Variants in C3orf33 observed in about 807,000 individuals in gnomAD.
C3orf33 encodes the protein AP-1 activity suppressor.
C3orf33 carries 23 observed loss-of-function variants against 28.7 expected under a neutral mutation model. That is an observed-to-expected ratio of 0.80 (90% CI 0.58 to 1.13). C3orf33 has a LOEUF of 1.13. Among genes scored for constraint, C3orf33 ranks in the 50% most tolerant of loss-of-function variants. C3orf33 has a pLI of 0.00. For synonymous variants in C3orf33, 119 were observed against 120.5 expected, an observed-to-expected ratio of 0.99 and a Z score of 0.08; for missense variants, 327 against 353.4, an observed-to-expected ratio of 0.93 and a Z score of 0.60.
At chr3:155,792,028 G>T (rs537274332) in intron 2 of C3orf33, among the ~76,000 whole-genome samples, 2 of 152,148 alleles carry the variant, frequency 1.3e-5, no homozygotes, top group East Asian at 1.9e-4. Context: ...TGGGAGAGAC[G>T]CAGTGCTGTG....
chr3:155,772,772 CTG>C (rs60966459), intron 3 of C3orf33, among the ~76,000 whole-genome samples: 4,613 of 142,102 alleles, frequency 0.032, 167 homozygotes, highest in African/African-American at 0.091. Flanking sequence ...TTTTTAGGCT[CTG>C]TGTGTGTGTG....
At chr3:155,804,619 G>A (rs1751760115) in intron 1 of C3orf33, among the ~76,000 whole-genome samples, 1 of 152,136 alleles carries the variant, frequency 6.6e-6, no homozygotes, top group African/African-American at 2.4e-5. Flanking sequence ...TAGAACACCT[G>A]GCTGTCTTGA....
At chr3:155,788,223 A>G (rs1402471364) in intron 2 of C3orf33, among the ~76,000 whole-genome samples, 1 of 151,232 alleles carries the variant, frequency 6.6e-6, no homozygotes, top group Non-Finnish European at 1.5e-5. Context: ...AAATAAAAAG[A>G]TCAACCAGTA....
chr3:155,770,780 C>A (rs1244245696), intron 3 of C3orf33, among the ~76,000 whole-genome samples: 10 of 152,144 alleles, frequency 6.6e-5, no homozygotes, highest in African/African-American at 2.4e-4. Flanking sequence ...CCTGCCTCAG[C>A]CTCCTGAGTA....
At chr3:155,780,797 A>G (rs1750895547) in intron 2 of C3orf33, among the ~76,000 whole-genome samples, 2 of 152,176 alleles carry the variant, frequency 1.3e-5, no homozygotes, top group Non-Finnish European at 2.9e-5. Flanking sequence ...GCTTCTGGGA[A>G]AAACGCTTTC....
chr3:155,798,173 A>C (rs1014063418), intron 2 of C3orf33, among the ~76,000 whole-genome samples: 1 of 152,192 alleles, frequency 6.6e-6, no homozygotes, highest in Non-Finnish European at 1.5e-5. Context: ...TGGAAGAATC[A>C]ATATTGTTAA....
At chr3:155,805,718 G>A (rs746934760) in intron 1 of C3orf33, 2 of 448,046 alleles carry the variant, frequency 4.5e-6, no homozygotes, top group Admixed American at 4.8e-5. Context: ...GAGGAATACC[G>A]TGTCCCTAAA....
At position 155,775,696 on chromosome 3, in the gene C3orf33, C is replaced by T. The variant is rs1456965513; in HGVS notation, c.322+5G>A. 3 of 1,510,762 alleles carry T rather than the reference C, an allele frequency of 2.0e-6. No individual in the cohort carries two copies. Among genetic ancestry groups the T allele is most frequent in the East Asian group, 2.3e-5 (1 of 43,240 alleles). 93.6% of individuals were successfully genotyped at this position (1,510,762 alleles called of 1,614,324 possible). A position where few individuals can be genotyped will look rare whatever the true frequency, so the allele number is the denominator to read the frequency against. On this transcript the variant is annotated splice_donor_5th_base_variant and intron_variant, in intron 3 of 4. Transcript: ENST00000340171. ...TTAGTTTCATTAATCTTGTACCTTACTTACTTCTCAATGAAGCTATAATAG... is the reference window on the plus strand; with the variant it reads ...TTAGTTTCATTAATCTTGTACCTTATTTACTTCTCAATGAAGCTATAATAG...
At chr3:155,788,791 C>G (rs549643265) in intron 2 of C3orf33, among the ~76,000 whole-genome samples, 1 of 152,128 alleles carries the variant, frequency 6.6e-6, no homozygotes, top group Admixed American at 6.6e-5. Context: ...CTCTCACCAC[C>G]TCTATTCAAC....
chr3:155,773,210 G>C (rs980670665), intron 3 of C3orf33, among the ~76,000 whole-genome samples: 3 of 152,180 alleles, frequency 2.0e-5, no homozygotes, highest in African/African-American at 4.8e-5. Context: ...CATTCAAAAT[G>C]GTGTTTGGTT....
chr3:155,780,547 G>T (rs1287743135), intron 2 of C3orf33, among the ~76,000 whole-genome samples: 2 of 152,158 alleles, frequency 1.3e-5, no homozygotes, highest in African/African-American at 4.8e-5. Context: ...TATAAAATTT[G>T]CAATTATCAA....
At chr3:155,804,286 T>G in intron 1 of C3orf33, 3 of 317,714 alleles carry the variant, frequency 9.4e-6, no homozygotes, top group Non-Finnish European at 1.8e-5. Context: ...TTACACAACT[T>G]CCTCCCATAA....
At chr3:155,768,548 T>A (rs1334529353) in intron 3 of C3orf33, among the ~76,000 whole-genome samples, 1 of 152,184 alleles carries the variant, frequency 6.6e-6, no homozygotes, top group Admixed American at 6.5e-5. Context: ...AACAAGATTT[T>A]ACTTTAGATA....
At chr3:155,801,832 C>A (rs1331500845) in intron 2 of C3orf33, among the ~76,000 whole-genome samples, 1 of 152,174 alleles carries the variant, frequency 6.6e-6, no homozygotes, top group African/African-American at 2.4e-5. Context: ...CTCACTGCAA[C>A]CTCTGCCTCC....
At chr3:155,770,014 G>T (rs1332898807) in intron 3 of C3orf33, among the ~76,000 whole-genome samples, 3 of 152,172 alleles carry the variant, frequency 2.0e-5, no homozygotes, top group African/African-American at 7.2e-5. Flanking sequence ...AAACCAATCA[G>T]CGTGCACTCA....
intron 4 of C3orf33, 57 bp from the exon 5 acceptor site, chr3:155,763,975 C>T: frequency 8.4e-7 from 1 of 1,191,340 alleles, no homozygotes; most frequent in East Asian, 3.1e-5. Flanking sequence ...TTATACCCAT[C>T]ACATCTTATT....
At chr3:155,797,639 A>T (rs890388098) in intron 2 of C3orf33, among the ~76,000 whole-genome samples, 1 of 152,266 alleles carries the variant, frequency 6.6e-6, no homozygotes, top group Non-Finnish European at 1.5e-5. Context: ...TATAAAAATC[A>T]GTGGCATTTC....
intron 2 of C3orf33, among the ~76,000 whole-genome samples, chr3:155,795,008 CAAAG>C (rs1292767657): frequency 1.3e-5 from 2 of 152,130 alleles, no homozygotes; most frequent in African/African-American, 4.8e-5. Flanking sequence ...AGAAAATCAA[CAAAG>C]AAACATCAAA....
Position 155,782,722 on chromosome 3 carries a change from A to G in C3orf33, c.175-6874T>C, listed in dbSNP as rs555337047. Reference sequence around the variant, plus strand: ...AAGCCAAGAAAGTTTGTTACCACAGACTTGCCCTGCAAGAAATGCTAAAAC... The same window carrying G: ...AAGCCAAGAAAGTTTGTTACCACAGGCTTGCCCTGCAAGAAATGCTAAAAC... On this transcript the variant is annotated intron_variant, in intron 2 of 4. Transcript: ENST00000340171. Among the ~76,000 whole-genome samples, 3 of 152,332 alleles carry G rather than the reference A, an allele frequency of 2.0e-5. No homozygotes were observed. The South Asian group carries it at 6.2e-4, about 32-fold the overall frequency.
Sources: gnomAD v4.1 joint callset for allele counts (sites outside exome capture counted in the v4.1 genomes callset) on GRCh38, gnomAD v4.1.1 for gene constraint, MANE v1.5 for transcripts, NCBI Gene and HGNC (gene_info 2026-07-23, HGNC 2026-07-21) for gene names.